The following ANK2 variants were observed in gnomAD, a reference collection of about 807,000 sequenced individuals.
ANK2 encodes ankyrin-2.
A neutral mutation model predicts 360.5 loss-of-function variants in ANK2; 83 were observed. That is an observed-to-expected ratio of 0.23 (90% CI 0.19 to 0.28). ANK2 has a LOEUF of 0.28. ANK2 is among the 10% of genes least tolerant of loss of function. The probability of loss-of-function intolerance (pLI) is 1.00; values close to 1 mark genes in which losing one functional copy is unlikely to be tolerated. For synonymous variants in ANK2, 1,740 were observed against 1,759.5 expected (o/e 0.99, Z 0.28); for missense variants, 4,201 against 4,795.7 (o/e 0.88, Z 3.66).
At chr4:113,264,565 T>TA (rs2054833757) in intron 13 of ANK2, among the ~76,000 whole-genome samples, 1 of 151,330 alleles carries the variant, frequency 6.6e-6, no homozygotes, top group Non-Finnish European at 1.5e-5. Flanking sequence ...AGAAGAAAAA[T>TA]ACAAAAATCA....
At chr4:112,840,911 A>G (rs540980543) in intron 1 of ANK2, among the ~76,000 whole-genome samples, 1 of 152,272 alleles carries the variant, frequency 6.6e-6, no homozygotes, top group South Asian at 2.1e-4. Flanking sequence ...TAAAATGCAG[A>G]AAGTACAGTG....
chr4:113,051,769 T>C (rs1446926616), intron 1 of ANK2, among the ~76,000 whole-genome samples: 1 of 152,154 alleles, frequency 6.6e-6, no homozygotes, highest in African/African-American at 2.4e-5. Context: ...TAATTTCTCA[T>C]TTAATGAATC....
chr4:112,861,868 A>AGAGAGAGAGAGAGAGAGAGAGAGAGAG (rs201880535), intron 1 of ANK2, among the ~76,000 whole-genome samples: 2 of 151,562 alleles, frequency 1.3e-5, no homozygotes, highest in Admixed American at 6.6e-5. Flanking sequence ...AGAGAGAGAG[A>AGAGAGAGAGAGAGAGAGAGAGAGAGAG]AACTCTCACA....
chr4:113,020,861 G>C (rs961301825), intron 2 of ANK2, among the ~76,000 whole-genome samples: 1 of 149,386 alleles, frequency 6.7e-6, no homozygotes, highest in Admixed American at 6.7e-5. Context: ...CAAGAAAAGA[G>C]CTTAATGAAT....
chr4:112,911,330 T>A (rs747846400), intron 2 of ANK2, among the ~76,000 whole-genome samples: 5 of 151,712 alleles, frequency 3.3e-5, no homozygotes, highest in Non-Finnish European at 7.4e-5. Flanking sequence ...TTAGCCATCC[T>A]GGCTAACACG....
the ANK2 span, among the ~76,000 whole-genome samples, chr4:112,791,551 C>T: frequency 2.8e-5 from 4 of 141,880 alleles, no homozygotes; most frequent in Non-Finnish European, 4.5e-5. Flanking sequence ...TGCTGTGGCG[C>T]GATCTTAGCT....
At chr4:113,160,276 G>A in intron 1 of ANK2, 1 of 384,794 alleles carries the variant, frequency 2.6e-6, no homozygotes, top group South Asian at 2.0e-5. Flanking sequence ...TGTTGTCAAG[G>A]CTGGTCTCAA....
At chr4:112,821,781 T>TG (rs1425077283) in intron 1 of ANK2, among the ~76,000 whole-genome samples, 1 of 151,734 alleles carries the variant, frequency 6.6e-6, no homozygotes, top group African/African-American at 2.4e-5. Context: ...ATTTTTTTTT[T>TG]TTTTTGAGAA....
At chr4:113,104,279 G>A (rs754400945) in intron 1 of ANK2, among the ~76,000 whole-genome samples, 11 of 152,090 alleles carry the variant, frequency 7.2e-5, no homozygotes, top group Non-Finnish European at 2.9e-5. Context: ...GTCTGGGCTG[G>A]GAAATGAGGT....
chr4:112,818,492 T>A (rs2056005230), intron 1 of ANK2, among the ~76,000 whole-genome samples: 1 of 152,216 alleles, frequency 6.6e-6, no homozygotes, highest in Non-Finnish European at 1.5e-5. Flanking sequence ...TGATTTGCAT[T>A]TTCTCTTTCT....
chr4:113,352,937 C>A, intron 37 of ANK2, 108 bp from the exon 38 acceptor site: 1 of 1,329,584 alleles, frequency 7.5e-7, no homozygotes, highest in Non-Finnish European at 1.0e-6. Context: ...GCCCCTCCCA[C>A]CACCACCACC....
At chr4:112,998,914 A>G (rs969560814) in intron 2 of ANK2, among the ~76,000 whole-genome samples, 3 of 152,162 alleles carry the variant, frequency 2.0e-5, no homozygotes, top group African/African-American at 7.2e-5. Flanking sequence ...TTCCTTTTGT[A>G]TATGTTTTCA....
rs148240276 is a variant in ANK2, at chr4:113,332,923, A to G, written c.3225-131A>G. On this transcript the variant is annotated intron_variant, in intron 28 of 45. Coordinates refer to ENST00000357077, the MANE Select transcript of ANK2 (RefSeq NM_001148.6). The stretch of plus-strand genomic sequence containing the variant: ...GACCATCTGCTAGCCAGTGGGCTCC[A>G]GGGGATGGCCCACTATGTCCCTGTC... 5.4e-4 allele frequency: 723 copies of G among 1,332,468 alleles called. 4 individuals carry two copies. The African/African-American group carries it at 9.4e-3, about 17-fold the overall frequency. 82.5% of individuals were successfully genotyped at this position (1,332,468 alleles called of 1,614,324 possible). A position where few individuals can be genotyped will look rare whatever the true frequency, so the allele number is the denominator to read the frequency against.
At chr4:113,019,550 G>T (rs1464747031) in intron 2 of ANK2, among the ~76,000 whole-genome samples, 3 of 152,066 alleles carry the variant, frequency 2.0e-5, no homozygotes, top group Non-Finnish European at 4.4e-5. Flanking sequence ...AGATATTTTT[G>T]AAAGAATGGA....
intron 1 of ANK2, among the ~76,000 whole-genome samples, chr4:112,850,302 A>C (rs2149940705): frequency 8.1e-6 from 1 of 123,604 alleles, no homozygotes; most frequent in African/African-American, 3.2e-5. Context: ...CTATCTATCT[A>C]ATTTGTTCAT....
chr4:112,996,320 T>C (rs1306587848), intron 2 of ANK2, among the ~76,000 whole-genome samples: 1 of 152,154 alleles, frequency 6.6e-6, no homozygotes, highest in South Asian at 2.1e-4. Flanking sequence ...TTAGGAGTGA[T>C]GAATATATGT....
the ANK2 span, among the ~76,000 whole-genome samples, chr4:112,811,229 G>T: frequency 2.0e-5 from 3 of 152,088 alleles, no homozygotes; most frequent in Non-Finnish European, 2.9e-5. Flanking sequence ...GAGCCACCGC[G>T]CCCGGCCACG....
At chr4:113,336,167 G>C in intron 30 of ANK2, 110 bp downstream of exon 30, 1 of 1,144,480 alleles carries the variant, frequency 8.7e-7, no homozygotes, top group Admixed American at 2.0e-5. Context: ...CAAAAAGGAA[G>C]GTAGCATTAA....
At position 113,355,854 on chromosome 4, in the gene ANK2, A is replaced by G. The variant is rs1394535709; in HGVS notation, c.7236A>G (p.Ala2412=). The part of the protein sequence containing the change: ...VIRSPQGLEL[A]LPSRDSEVLS... ...GAAGTCCCCAAGGGTTAGAACTTGC[A>G]CTCCCTAGCCGAGATAGCGAAGTCC... Residue 2412 remains alanine (A), a synonymous_variant, in exon 38 of 46, where the codon GCA becomes GCG. Transcript: ENST00000357077. 1 of 1,613,760 alleles carries G rather than the reference A, an allele frequency of 6.2e-7. No individual in the cohort carries two copies. Among genetic ancestry groups the G allele is most frequent in the Admixed American group, 1.7e-5 (1 of 59,980 alleles).
Sources: gnomAD v4.1 joint callset for allele counts (sites outside exome capture counted in the v4.1 genomes callset) on GRCh38, gnomAD v4.1.1 for gene constraint, MANE v1.5 for transcripts, NCBI Gene and HGNC (gene_info 2026-07-23, HGNC 2026-07-21) for gene names.